RNF111: variants seen among roughly 807,000 people sequenced by gnomAD.
The protein encoded by RNF111 is ring finger protein 111, also known as E3 ubiquitin-protein ligase Arkadia.
RNF111 carries 17 observed loss-of-function variants against 95.1 expected under a neutral mutation model. The observed-to-expected ratio is 0.18, with a 90% CI of 0.12 to 0.27. The LOEUF is 0.27. RNF111 is among the 10% of genes least tolerant of loss of function. RNF111 has a pLI of 1.00. For missense variants in RNF111, 1,189 were observed against 1,210.4 expected, an observed-to-expected ratio of 0.98 and a Z score of 0.26; for synonymous variants, 440 against 414.8, an observed-to-expected ratio of 1.06 and a Z score of -0.74.
chr15:59,085,872 T>G, intron 10 of RNF111, 87 bp downstream of exon 10: 1 of 1,085,402 alleles, frequency 9.2e-7, no homozygotes, highest in Non-Finnish European at 1.3e-6. Flanking sequence ...TATATTAATA[T>G]AGATGTTTTA....
chr15:59,086,266 C>T (rs865878416), intron 10 of RNF111, among the ~76,000 whole-genome samples: 3 of 152,090 alleles, frequency 2.0e-5, no homozygotes, highest in Middle Eastern at 3.4e-3. Context: ...ATTACAGGCA[C>T]GTGCCACCAT....
intron 1 of RNF111, among the ~76,000 whole-genome samples, chr15:59,015,745 A>T (rs73416826): frequency 6.6e-6 from 1 of 151,918 alleles, no homozygotes; most frequent in East Asian, 1.9e-4. Context: ...TGCATCCTTC[A>T]TGGTTTGACT....
intron 6 of RNF111, among the ~76,000 whole-genome samples, chr15:59,071,771 A>C (rs1370268456): frequency 6.6e-6 from 1 of 152,152 alleles, no homozygotes; most frequent in Non-Finnish European, 1.5e-5. Flanking sequence ...TTTATTTCCC[A>C]ACTTAGTTGA....
In RNF111 at chr15:59,095,881, C is replaced by T. The variant is rs1297877727; in HGVS notation, c.*981C>T. 16 of 396,544 alleles carry T rather than the reference C, an allele frequency of 4.0e-5. No individual in the cohort carries two copies. In the East Asian group the frequency reaches 5.7e-4, roughly 14 times the overall value. The allele number at this position is 396,544 out of a possible 1,614,324, so 24.6% of individuals were successfully genotyped here. ...AGTCACTGGCAGGTATCTGTGCATT[C>T]ATAGAACTTATAAAGGTCCCAGGAT... is the stretch of plus-strand genomic sequence containing the variant. On this transcript the variant is annotated 3_prime_UTR_variant, in exon 14 of 14. Coordinates refer to ENST00000348370, the MANE Select transcript of RNF111 (RefSeq NM_017610.8).
intron 8 of RNF111, among the ~76,000 whole-genome samples, chr15:59,083,458 A>C (rs2078806447): frequency 6.6e-6 from 1 of 152,012 alleles, no homozygotes; most frequent in South Asian, 2.1e-4. Flanking sequence ...GAATTGCTTG[A>C]ATCTGGGAGG....
chr15:58,997,554 C>T (rs987936557), intron 1 of RNF111, among the ~76,000 whole-genome samples: 8 of 151,578 alleles, frequency 5.3e-5, no homozygotes, highest in African/African-American at 1.5e-4. Flanking sequence ...TATGGTGTCT[C>T]ACGCCTGTAA....
At chr15:59,016,970 T>G (rs1051467885) in intron 1 of RNF111, among the ~76,000 whole-genome samples, 3 of 151,896 alleles carry the variant, frequency 2.0e-5, no homozygotes, top group African/African-American at 7.3e-5. Flanking sequence ...TGCCTGATGA[T>G]CTGTCACTGT....
intron 1 of RNF111, among the ~76,000 whole-genome samples, chr15:59,026,584 A>G (rs905386948): frequency 2.0e-5 from 3 of 152,234 alleles, no homozygotes; most frequent in Non-Finnish European, 4.4e-5. Flanking sequence ...TGGTTTTATC[A>G]AACAGCAAAT....
At position 58,989,274 on chromosome 15, in the gene RNF111, G is replaced by T. The variant is rs148978578; in HGVS notation, c.-20+1206G>T. ...GGTGAAACAGATGGATAAGAAGGAA[G>T]CCCTTTTACTTTTACAATCATTTTA... On this transcript the variant is annotated intron_variant, in intron 1 of 13. Transcript: ENST00000348370. 4.4e-3 allele frequency among the ~76,000 whole-genome samples: 675 copies of T among 152,294 alleles called. 8 individuals are homozygous for T. The highest frequency in any genetic ancestry group is 0.015 in the African/African-American group (633 of 41,556).
intron 2 of RNF111, among the ~76,000 whole-genome samples, chr15:59,039,192 A>G (rs559211163): frequency 6.6e-6 from 1 of 152,100 alleles, no homozygotes; most frequent in South Asian, 2.1e-4. Context: ...TCGAACTCCT[A>G]ACCTCAGGTC....
chr15:59,005,779 C>G (rs1476535661), intron 1 of RNF111, among the ~76,000 whole-genome samples: 2 of 152,208 alleles, frequency 1.3e-5, no homozygotes, highest in Non-Finnish European at 2.9e-5. Context: ...TAAAAACTAG[C>G]TGACTCGTCA....
intron 1 of RNF111, among the ~76,000 whole-genome samples, chr15:59,025,884 C>T (rs1006153719): frequency 3.3e-5 from 5 of 152,124 alleles, no homozygotes; most frequent in Admixed American, 2.6e-4. Context: ...GCATGTGCCA[C>T]CACGCCTGGC....
rs1194255542 is a variant in RNF111, at chr15:59,080,114, C to CTTTTTT, written c.1949-803_1949-798dup. 1.1e-3 allele frequency among the ~76,000 whole-genome samples: 92 copies of CTTTTTT among 85,470 alleles called. 2 individuals carry two copies. The highest frequency in any genetic ancestry group is 2.1e-3 in the East Asian group (6 of 2,874). 56.1% of individuals were successfully genotyped at this position (85,470 alleles called of 152,430 possible). A position where few individuals can be genotyped will look rare whatever the true frequency, so the allele number is the denominator to read the frequency against. ...GGTAATCAGGCCTTCTTGTGTGCTC[C>CTTTTTT]TTTTTTTTTTTTTTTTTTTTTTTTG... On this transcript the variant is annotated intron_variant, in intron 7 of 13. Transcript: ENST00000348370.
At chr15:59,053,868 C>T (rs2042095044) in intron 3 of RNF111, among the ~76,000 whole-genome samples, 1 of 118,418 alleles carries the variant, frequency 8.4e-6, no homozygotes, top group South Asian at 2.3e-4. Context: ...TGTTATATCT[C>T]TTATTGTTAT....
At chr15:59,063,547 G>A (rs928347251) in intron 5 of RNF111, among the ~76,000 whole-genome samples, 1 of 152,170 alleles carries the variant, frequency 6.6e-6, no homozygotes, top group Admixed American at 6.5e-5. Context: ...AGAAAAGGAA[G>A]TGTTTTATTT....
At chr15:59,090,642 A>G (rs1231248981) in intron 11 of RNF111, among the ~76,000 whole-genome samples, 1 of 152,242 alleles carries the variant, frequency 6.6e-6, no homozygotes, top group Non-Finnish European at 1.5e-5. Flanking sequence ...CCATACATAC[A>G]TACATACTGA....
chr15:59,018,791 A>G (rs1398534166), intron 1 of RNF111, among the ~76,000 whole-genome samples: 2 of 152,236 alleles, frequency 1.3e-5, no homozygotes, highest in Non-Finnish European at 2.9e-5. Context: ...CCTGATTTTA[A>G]AAGGCTGCTT....
At chr15:58,991,812 C>G (rs1345754528) in intron 1 of RNF111, among the ~76,000 whole-genome samples, 1 of 152,104 alleles carries the variant, frequency 6.6e-6, no homozygotes, top group African/African-American at 2.4e-5. Context: ...GTGTAGTAAC[C>G]AAATACAATA....
intron 7 of RNF111, among the ~76,000 whole-genome samples, chr15:59,079,607 A>G (rs1011427890): frequency 6.6e-6 from 1 of 152,200 alleles, no homozygotes; most frequent in Non-Finnish European, 1.5e-5. Context: ...TCAGACTTCC[A>G]AGAACATCTT....
Sources: gnomAD v4.1 joint callset for allele counts (sites outside exome capture counted in the v4.1 genomes callset) on GRCh38, gnomAD v4.1.1 for gene constraint, MANE v1.5 for transcripts, NCBI Gene and HGNC (gene_info 2026-07-23, HGNC 2026-07-21) for gene names.